COL24A1: variants seen among roughly 807,000 people sequenced by gnomAD.
The protein encoded by COL24A1 is collagen alpha-1(XXIV) chain.
A neutral mutation model predicts 253.9 loss-of-function variants in COL24A1; 224 were observed. That is an observed-to-expected ratio of 0.88 (90% CI 0.79 to 0.99). COL24A1 has a LOEUF of 0.99. COL24A1 is among the 50% of genes least tolerant of loss of function. COL24A1 has a pLI of 0.00. For synonymous variants in COL24A1, 685 were observed against 673.7 expected, an observed-to-expected ratio of 1.02 and a Z score of -0.26; for missense variants, 2,131 against 2,068.5, an observed-to-expected ratio of 1.03 and a Z score of -0.59.
At chr1:85,855,437 T>C (rs545219899) in intron 37 of COL24A1, among the ~76,000 whole-genome samples, 18 of 152,342 alleles carry the variant, frequency 1.2e-4, no homozygotes, top group Admixed American at 5.2e-4. Context: ...TTGAATTTTA[T>C]TGAAAGCTTT....
intron 24 of COL24A1, 117 bp from the exon 25 acceptor site, chr1:85,911,550 T>G (rs1489785207): frequency 1.2e-6 from 1 of 867,764 alleles, no homozygotes; most frequent in Non-Finnish European, 1.9e-6. Context: ...AAATGTTATC[T>G]TGGAGTAAAA....
intron 52 of COL24A1, among the ~76,000 whole-genome samples, chr1:85,780,373 G>A (rs570092907): frequency 6.6e-6 from 1 of 151,808 alleles, no homozygotes; most frequent in East Asian, 1.9e-4. Flanking sequence ...GTCTCAATTT[G>A]ACCCTTTCTA....
At chr1:85,959,030 T>C (rs1343480117) in intron 24 of COL24A1, among the ~76,000 whole-genome samples, 1 of 152,220 alleles carries the variant, frequency 6.6e-6, no homozygotes, top group African/African-American at 2.4e-5. Flanking sequence ...TTAAAGGCAA[T>C]TAATGACTAT....
In COL24A1 at chr1:86,092,270, T is replaced by A; in HGVS notation, c.1650A>T (p.Glu550Asp). ...CATTTCATGGTCAAATAATTACCTTTTCTCCAGGAACAGGTTGACCTGGGG... is the reference window on the plus strand; with the variant it reads ...CATTTCATGGTCAAATAATTACCTTATCTCCAGGAACAGGTTGACCTGGGG... The part of the protein sequence containing the change: ...GFSPGQPVPG[E>D]KGDQGLSGLM... Residue 550 changes from glutamate to aspartate, a missense_variant, in exon 6 of 60, where the codon GAA becomes GAT. Physicochemically the swap from Glu to Asp is conservative, Grantham distance 45. Coordinates refer to ENST00000370571, the MANE Select transcript of COL24A1 (RefSeq NM_152890.7). 1 of 1,596,572 alleles carries A rather than the reference T, an allele frequency of 6.3e-7. No individual in the cohort carries two copies. Among genetic ancestry groups the A allele is most frequent in the Non-Finnish European group, 8.6e-7 (1 of 1,167,340 alleles).
rs1673227029 is a variant in COL24A1 at position 85,818,047 on chromosome 1, T to C, written c.3830A>G (p.Lys1277Arg). 6.2e-7 allele frequency: 1 copy of C among 1,613,608 alleles called. No homozygotes were observed. The highest frequency in any genetic ancestry group is 1.3e-5 in the African/African-American group (1 of 74,906). The change falls in exon 46 of 60, where the codon AAA (lysine) becomes AGA (arginine). Residue 1277 changes from lysine to arginine, a missense_variant. Lys to Arg is a conservative substitution (Grantham distance 26). Coordinates refer to ENST00000370571, the MANE Select transcript of COL24A1 (RefSeq NM_152890.7). ...GKKGAPGPSG[K>R]PGIPGLQGLL... ...CCTGTTACTTACAGGAATCCCAGGT[T>C]TCCCAGAAGGACCAGGAGCTCCTTT...
chr1:85,901,311 C>T (rs1031254500), intron 28 of COL24A1, among the ~76,000 whole-genome samples: 2 of 152,048 alleles, frequency 1.3e-5, no homozygotes, highest in African/African-American at 4.8e-5. Context: ...TGCTCAACAT[C>T]ACTAATTATC....
At chr1:85,889,287 AAT>A (rs1181404994) in intron 32 of COL24A1, among the ~76,000 whole-genome samples, 5 of 152,098 alleles carry the variant, frequency 3.3e-5, no homozygotes, top group Non-Finnish European at 7.4e-5. Flanking sequence ...TCAGAAAGAG[AAT>A]TTCTGAGATT....
chr1:86,097,306 C>G (rs748193228), intron 5 of COL24A1, among the ~76,000 whole-genome samples: 1 of 152,150 alleles, frequency 6.6e-6, no homozygotes. Flanking sequence ...CTACCACTAT[C>G]CTACTTCACT....
chr1:86,018,458 G>T (rs1442601539), intron 18 of COL24A1, among the ~76,000 whole-genome samples: 1 of 152,178 alleles, frequency 6.6e-6, no homozygotes, highest in Non-Finnish European at 1.5e-5. Context: ...TCTTTAAAGA[G>T]ATAGAGAAAG....
At chr1:86,062,010 A>G (rs926652691) in intron 8 of COL24A1, among the ~76,000 whole-genome samples, 3 of 152,110 alleles carry the variant, frequency 2.0e-5, no homozygotes, top group African/African-American at 4.8e-5. Flanking sequence ...ATAGAATAAC[A>G]GCACTCATTT....
chr1:85,843,868 A>G (rs921039467), intron 39 of COL24A1, among the ~76,000 whole-genome samples: 4 of 152,134 alleles, frequency 2.6e-5, no homozygotes, highest in Admixed American at 6.6e-5. Context: ...ACAAGAAATA[A>G]AATATGCAAT....
intron 42 of COL24A1, among the ~76,000 whole-genome samples, chr1:85,840,236 G>T (rs960862280): frequency 1.3e-5 from 2 of 151,992 alleles, no homozygotes; most frequent in Non-Finnish European, 2.9e-5. Context: ...TACTCCTTTT[G>T]CCAAGTTTTT....
At chr1:85,899,762 G>A (rs1440654297) in intron 28 of COL24A1, among the ~76,000 whole-genome samples, 1 of 152,142 alleles carries the variant, frequency 6.6e-6, no homozygotes, top group Non-Finnish European at 1.5e-5. Context: ...GCTGGAGTAA[G>A]TCTCATAATT....
chr1:86,083,841 T>G (rs1319627220), intron 7 of COL24A1, among the ~76,000 whole-genome samples: 1 of 152,194 alleles, frequency 6.6e-6, no homozygotes, highest in Non-Finnish European at 1.5e-5. Flanking sequence ...GACACTGAAC[T>G]GCAATACCAC....
chr1:85,772,032 G>A (rs539153089), intron 53 of COL24A1, among the ~76,000 whole-genome samples: 3,800 of 141,104 alleles, frequency 0.027, 147 homozygotes, highest in African/African-American at 0.096. Context: ...TCCCACCTAT[G>A]AGTGAGAATA....
At chr1:85,938,985 T>G (rs1688485398) in intron 24 of COL24A1, among the ~76,000 whole-genome samples, 1 of 152,178 alleles carries the variant, frequency 6.6e-6, no homozygotes, top group African/African-American at 2.4e-5. Context: ...TTTCTACAAC[T>G]GTTGCTTCCT....
chr1:85,797,061 G>C (rs313737), intron 47 of COL24A1, among the ~76,000 whole-genome samples: 111,834 of 150,964 alleles, frequency 0.74, 44,116 homozygotes, highest in Non-Finnish European at 0.89. Context: ...AAAAAAATTA[G>C]CCAGGCATGG....
At chr1:86,054,929 G>C (rs1391531679) in intron 10 of COL24A1, among the ~76,000 whole-genome samples, 4 of 152,042 alleles carry the variant, frequency 2.6e-5, no homozygotes, top group Non-Finnish European at 5.9e-5. Context: ...AAGAAAATGT[G>C]GTACATATAG....
rs747888200 is a variant in COL24A1 at position 85,734,634 on chromosome 1, A to G, written c.4998+115T>C. 27 of 877,450 alleles carry G rather than the reference A, an allele frequency of 3.1e-5. No individual in the cohort carries two copies. In the Middle Eastern group the frequency reaches 7.9e-4, roughly 26 times the overall value. The allele number at this position is 877,450 out of a possible 1,614,324, so 54.4% of individuals were successfully genotyped here. On this transcript the variant is annotated intron_variant, in intron 59 of 59. Transcript: ENST00000370571. The stretch of plus-strand genomic sequence containing the variant: ...CAAGTCAGGCACATTAAAACTTACT[A>G]CCCTTCTGTATCTGCAGTTTGTAAT...
Sources: allele counts gnomAD v4.1 joint callset (sites outside exome capture counted in the v4.1 genomes callset), GRCh38; gene constraint gnomAD v4.1.1; transcripts MANE v1.5; gene names NCBI Gene and HGNC (gene_info 2026-07-23, HGNC 2026-07-21).